Variants in SELENOO observed in about 807,000 individuals in gnomAD.
The protein encoded by SELENOO is protein adenylyltransferase SelO, mitochondrial.
Under a neutral mutation model 58.7 loss-of-function variants are expected in SELENOO, and 74 were observed. The observed-to-expected ratio is 1.26, with a 90% CI of 1.04 to 1.53. SELENOO has a LOEUF of 1.53. SELENOO is among the 40% of genes most tolerant of loss of function. The pLI is 0.00. For synonymous variants in SELENOO, 543 were observed against 453.2 expected, an observed-to-expected ratio of 1.20 and a Z score of -2.52; for missense variants, 1,149 against 970.0, an observed-to-expected ratio of 1.18 and a Z score of -2.45.
At chr22:50,206,895 G>GA (rs981459238) in intron 2 of SELENOO, among the ~76,000 whole-genome samples, 1 of 152,084 alleles carries the variant, frequency 6.6e-6, no homozygotes, top group Non-Finnish European at 1.5e-5. Flanking sequence ...GTGCTTCTGG[G>GA]GGGGAGGGGG....
chr22:50,203,987 T>C (rs1019574436), intron 1 of SELENOO, among the ~76,000 whole-genome samples: 3 of 151,974 alleles, frequency 2.0e-5, no homozygotes, highest in African/African-American at 4.8e-5. Flanking sequence ...CTCTCAAAAC[T>C]CAGCAACAGG....
In SELENOO at chr22:50,210,854, G is replaced by A; in HGVS notation, c.1294G>A (p.Glu432Lys). 1.2e-6 allele frequency: 2 copies of A among 1,614,166 alleles called. No individual in the cohort carries two copies. Among genetic ancestry groups the A allele is most frequent in the African/African-American group, 1.3e-5 (1 of 75,068 alleles). ...MRRKLGLVQV[E>K]LEEDGALVSK... The stretch of plus-strand genomic sequence containing the variant: ...CAGGAAGCTGGGCCTCGTGCAGGTG[G>A]AGCTGGAGGAAGACGGGGCGCTGGT... Residue 432 changes from glutamate to lysine, a missense_variant, in exon 5 of 9, where the codon GAG becomes AAG. Coordinates refer to ENST00000380903, the MANE Select transcript of SELENOO (RefSeq NM_031454.2).
At chr22:50,210,399 C>G (rs1018395450) in intron 4 of SELENOO, 88 bp downstream of exon 4, 1 of 1,520,098 alleles carries the variant, frequency 6.6e-7, no homozygotes, top group African/African-American at 1.4e-5. Flanking sequence ...GGCACTGGCC[C>G]GTGATGCTTG....
rs915677749 is a variant in SELENOO, at chr22:50,201,244, G to A, written c.208G>A (p.Ala70Thr). Residue 70 changes from alanine (A) to threonine (T), a missense_variant, in exon 1 of 9, where the codon GCC becomes ACC. Coordinates refer to ENST00000380903, the MANE Select transcript of SELENOO (RefSeq NM_031454.2). ...VEAPPPGPEG[A>T]PSAPRPVPGA... Reference sequence around the variant, plus strand: ...GGCGCCGCCGCCCGGTCCCGAGGGCGCCCCGTCCGCGCCGCGGCCCGTGCC... The same window carrying A: ...GGCGCCGCCGCCCGGTCCCGAGGGCACCCCGTCCGCGCCGCGGCCCGTGCC... 6 of 1,096,676 alleles carry A rather than the reference G, an allele frequency of 5.5e-6. No individual in the cohort carries two copies. Among genetic ancestry groups the A allele is most frequent in the East Asian group, 5.6e-5 (1 of 17,740 alleles). The allele number at this position is 1,096,676 out of a possible 1,614,324, so 67.9% of individuals were successfully genotyped here. A position where few individuals can be genotyped will look rare whatever the true frequency, so the allele number is the denominator to read the frequency against.
rs541585456 is a variant in SELENOO at position 50,217,523 on chromosome 22, A to T, written c.*154A>T. 3.7e-5 allele frequency: 40 copies of T among 1,085,422 alleles called. 1 individual carries two copies. The East Asian group carries it at 5.5e-4, about 15-fold the overall frequency. 67.2% of individuals were successfully genotyped at this position (1,085,422 alleles called of 1,614,324 possible). On this transcript the variant is annotated 3_prime_UTR_variant, in exon 9 of 9. Coordinates refer to ENST00000380903, the MANE Select transcript of SELENOO (RefSeq NM_031454.2). ...ATGATGGCAGAGACATCCAGTCAGG[A>T]CCTGACCCGTCTCTGTCTGAGGCCG... is the stretch of plus-strand genomic sequence containing the variant.
intron 3 of SELENOO, 71 bp from the exon 4 acceptor site, chr22:50,210,110 G>A (rs1232171283): frequency 1.3e-6 from 2 of 1,556,410 alleles, no homozygotes; most frequent in African/African-American, 1.4e-5. Context: ...TCAGGGAGGG[G>A]AAGGATGGAC....
In SELENOO at chr22:50,216,820, G is replaced by A. The variant is rs377417931; in HGVS notation, c.1632G>A (p.Ala544=). ...AGTCTCGGCTGGAGCAGCTGAGTGC[G>A]GCAGAGCTGCAGAGCAGGAACCAGG... ...EQQSRLEQLS[A]AELQSRNQGH... Residue 544 remains alanine, a synonymous_variant, in exon 7 of 9, where the codon GCG becomes GCA. Coordinates refer to ENST00000380903, the MANE Select transcript of SELENOO (RefSeq NM_031454.2). 166 of 1,608,606 alleles carry A rather than the reference G, an allele frequency of 1.0e-4. No homozygotes were observed. The African/African-American group carries it at 1.9e-3, about 19-fold the overall frequency.
intron 5 of SELENOO, 81 bp from the exon 6 acceptor site, chr22:50,215,628 AGGGGGGTG>A: frequency 1.0e-5 from 10 of 1,000,346 alleles, no homozygotes; most frequent in South Asian, 1.6e-5. Context: ...CACCTGTGCC[AGGGGGGTG>A]GGGGGGGGGG....
chr22:50,201,383 C>CCGAGGA lies in SELENOO; in HGVS notation c.352_353insACGAGG (p.Glu117_Ala118insAspGlu). The CCGAGGA allele has an allele frequency of 8.0e-7, 1 of 1,251,484 alleles. No homozygotes were observed. The highest frequency in any genetic ancestry group is 3.1e-4 in the Middle Eastern group (1 of 3,226). 77.5% of individuals were successfully genotyped at this position (1,251,484 alleles called of 1,614,324 possible). A position where few individuals can be genotyped will look rare whatever the true frequency, so the allele number is the denominator to read the frequency against. Reference sequence around the variant, plus strand: ...CTGGGCGCGCCGCCCGCGCGCGAGGCCGAGGCCGAGGCCGCGCTGTTCTTC... The same window carrying CCGAGGA: ...CTGGGCGCGCCGCCCGCGCGCGAGGCCGAGGACGAGGCCGAGGCCGCGCTGTTCTTC... On this transcript the variant is annotated inframe_insertion, in exon 1 of 9. Transcript: ENST00000380903.
chr22:50,201,612 G>C, intron 1 of SELENOO, 22 bp downstream of exon 1: 1 of 1,252,458 alleles, frequency 8.0e-7, no homozygotes, highest in Non-Finnish European at 1.0e-6. Context: ...CGGGCGAGGG[G>C]CGCGGGTGGG....
chr22:50,213,117 G>A (rs970902657), intron 5 of SELENOO, among the ~76,000 whole-genome samples: 1 of 152,202 alleles, frequency 6.6e-6, no homozygotes, highest in Non-Finnish European at 1.5e-5. Context: ...CTGGAGTGCA[G>A]TGGCATGATC....
intron 4 of SELENOO, 150 bp from the exon 5 acceptor site, chr22:50,210,481 A>G (rs2064361581): frequency 1.5e-6 from 2 of 1,364,746 alleles, no homozygotes; most frequent in South Asian, 1.3e-5. Context: ...GGCCTTGGCC[A>G]GGGGCTGGTG....
chr22:50,216,558 C>T, intron 6 of SELENOO, 133 bp from the exon 7 acceptor site: 1 of 826,380 alleles, frequency 1.2e-6, no homozygotes, highest in South Asian at 1.7e-5. Context: ...TTCCAGGGAC[C>T]TCGGGGACCG....
intron 5 of SELENOO, among the ~76,000 whole-genome samples, chr22:50,214,498 T>C (rs1027178116): frequency 1.3e-5 from 2 of 152,208 alleles, no homozygotes; most frequent in African/African-American, 2.4e-5. Flanking sequence ...TGGGTGCCTG[T>C]AATCTCAGCT....
intron 2 of SELENOO, among the ~76,000 whole-genome samples, chr22:50,206,858 C>T (rs551743380): frequency 1.3e-5 from 2 of 151,766 alleles, no homozygotes; most frequent in South Asian, 2.1e-4. Context: ...TCCAGGGCCA[C>T]GGGCACCAGA....
At chr22:50,208,899 A>G (rs962225871) in intron 3 of SELENOO, 183 bp downstream of exon 3, 1 of 547,098 alleles carries the variant, frequency 1.8e-6, no homozygotes, top group African/African-American at 1.9e-5. Context: ...CAAACCTGAA[A>G]CTCCCCTGGG....
intron 1 of SELENOO, among the ~76,000 whole-genome samples, chr22:50,202,614 TTA>T (rs1016908672): frequency 2.0e-5 from 3 of 152,208 alleles, no homozygotes; most frequent in Non-Finnish European, 2.9e-5. Flanking sequence ...ATCTTAAACT[TTA>T]TGTTTTCATT....
At chr22:50,202,727 G>A (rs2064311023) in intron 1 of SELENOO, among the ~76,000 whole-genome samples, 1 of 152,328 alleles carries the variant, frequency 6.6e-6, no homozygotes, top group African/African-American at 2.4e-5. Context: ...TTAACTCACT[G>A]CTTTCAGACC....
intron 5 of SELENOO, 76 bp from the exon 6 acceptor site, chr22:50,215,641 G>A (rs1246904392): frequency 2.5e-5 from 21 of 846,290 alleles, no homozygotes; most frequent in South Asian, 4.4e-5. Context: ...GGGGTGGGGG[G>A]GGGGGGGTCT....
Sources: gnomAD v4.1 joint callset for allele counts (sites outside exome capture counted in the v4.1 genomes callset) on GRCh38, gnomAD v4.1.1 for gene constraint, MANE v1.5 for transcripts, NCBI Gene and HGNC (gene_info 2026-07-23, HGNC 2026-07-21) for gene names.